The following ZNF556 variants were observed in gnomAD, a reference collection of about 807,000 sequenced individuals.
ZNF556 encodes zinc finger protein 556.
Under a neutral mutation model 13.6 loss-of-function variants are expected in ZNF556, and 11 were observed. The ratio of observed to expected loss-of-function variants is 0.81; its 90% CI spans 0.51 to 1.33. The LOEUF is 1.33. Among genes scored for constraint, ZNF556 ranks in the 40% most tolerant of loss-of-function variants. ZNF556 has a pLI of 0.00. For missense variants in ZNF556, 633 were observed against 566.2 expected (o/e 1.12, Z -1.20); for synonymous variants, 229 against 207.8 (o/e 1.10, Z -0.88).
At chr19:2,872,946 A>G (rs1309399520) in intron 1 of ZNF556, among the ~76,000 whole-genome samples, 1 of 152,116 alleles carries the variant, frequency 6.6e-6, no homozygotes, top group African/African-American at 2.4e-5. Flanking sequence ...CAGCCTGGCC[A>G]ACATGGTGAA....
At chr19:2,871,982 C>G (rs1230617260) in intron 1 of ZNF556, among the ~76,000 whole-genome samples, 1 of 152,078 alleles carries the variant, frequency 6.6e-6, no homozygotes, top group Non-Finnish European at 1.5e-5. Context: ...AGAGAGGAGA[C>G]AGAGAGTGAG....
Position 2,882,786 on chromosome 19 carries a change from C to G in ZNF556, c.*4457C>G, listed in dbSNP as rs2087915177. 6.6e-6 allele frequency: 1 copy of G among 152,286 alleles called. No homozygotes were observed. Among genetic ancestry groups the G allele is most frequent in the Non-Finnish European group, 1.5e-5 (1 of 68,146 alleles). 9.4% of individuals were successfully genotyped at this position (152,286 alleles called of 1,614,324 possible). A position where few individuals can be genotyped will look rare whatever the true frequency, so the allele number is the denominator to read the frequency against. On this transcript the variant is annotated 3_prime_UTR_variant, in exon 4 of 4. Transcript: ENST00000307635. ...GGCCAGGATGGTCTCGATCTCTTCA[C>G]CTCGTGATCTGCCCGCCTTGGCCTC...
rs759895054 is a variant in ZNF556, at chr19:2,867,718, ACAAAAC to A, written c.3+295_3+300del. Among the ~76,000 whole-genome samples the A allele has an allele frequency of 2.7e-4, 37 of 135,340 alleles. No homozygotes were observed. The South Asian group carries it at 4.2e-3, about 15-fold the overall frequency. 88.8% of individuals were successfully genotyped at this position (135,340 alleles called of 152,430 possible). A position where few individuals can be genotyped will look rare whatever the true frequency, so the allele number is the denominator to read the frequency against. ...GAAAAACTAACCCAAAGTACAAAAA[ACAAAAC>A]AAAAAAAAAAAAAACCTCACCCCAG... On this transcript the variant is annotated intron_variant, in intron 1 of 3. Transcript: ENST00000307635.
chr19:2,870,036 C>A (rs2087789430), intron 1 of ZNF556, among the ~76,000 whole-genome samples: 1 of 152,094 alleles, frequency 6.6e-6, no homozygotes, highest in Non-Finnish European at 1.5e-5. Context: ...GCTGTTTCTC[C>A]CACCCAGAAC....
intron 1 of ZNF556, among the ~76,000 whole-genome samples, chr19:2,869,591 C>G (rs1056860432): frequency 6.6e-6 from 1 of 152,118 alleles, no homozygotes; most frequent in Admixed American, 6.5e-5. Context: ...TGGTCTCAAT[C>G]TCCTGACCTC....
chr19:2,872,818 CAAAAAAA>C (rs770269518), intron 1 of ZNF556, among the ~76,000 whole-genome samples: 2 of 75,060 alleles, frequency 2.7e-5, no homozygotes, highest in Non-Finnish European at 5.8e-5. Flanking sequence ...GACTCCATCT[CAAAAAAA>C]AAAAAAAAAA....
rs1410660902 is a variant in ZNF556 at position 2,877,900 on chromosome 19, C to T, written c.942C>T (p.Pro314=). ...TGAGAATTCACAACGGGGAGAAACC[C>T]TATAAGTGTGGAAAATGCGGGAAAG... ...RHVRIHNGEK[P]YKCGKCGKAF... Residue 314 remains proline, a synonymous_variant, in exon 4 of 4, where the codon CCC becomes CCT. Coordinates refer to ENST00000307635, the MANE Select transcript of ZNF556 (RefSeq NM_024967.3). 1.2e-6 allele frequency: 2 copies of T among 1,614,144 alleles called. No individual in the cohort carries two copies. The highest frequency in any genetic ancestry group is 2.2e-5 in the South Asian group (2 of 91,088).
rs146600326 is a variant in ZNF556, at chr19:2,876,260, A to G, written c.298A>G (p.Lys100Glu). The G allele has an allele frequency of 5.8e-5, 93 of 1,593,772 alleles. No individual in the cohort carries two copies. In the African/African-American group the frequency reaches 1.2e-3, roughly 21 times the overall value. ...EHSVKDKHNT[K>E]ERHLSRNPRV... Reference sequence around the variant, plus strand: ...TAGCGTTAAAGACAAGCACAACACCAAGGAGAGACATTTGAGGTGAGTTGT... The same window carrying G: ...TAGCGTTAAAGACAAGCACAACACCGAGGAGAGACATTTGAGGTGAGTTGT... The change falls in exon 3 of 4, where the codon AAG (lysine) becomes GAG (glutamate). Residue 100 changes from lysine (K) to glutamate (E), a missense_variant. Physicochemically the swap from Lys to Glu is moderately conservative, Grantham distance 56 (BLOSUM62 1). Coordinates refer to ENST00000307635, the MANE Select transcript of ZNF556 (RefSeq NM_024967.3).
In ZNF556 at chr19:2,877,571, T is replaced by C. The variant is rs1336902386; in HGVS notation, c.613T>C (p.Cys205Arg). ...KTHSGEKPYACQSCGKTFLRS... is the reference protein window; with the variant it reads ...KTHSGEKPYARQSCGKTFLRS... Reference sequence around the variant, plus strand: ...TCACAGTGGAGAGAAACCCTATGCCTGTCAATCTTGCGGGAAGACATTTCT... The same window carrying C: ...TCACAGTGGAGAGAAACCCTATGCCCGTCAATCTTGCGGGAAGACATTTCT... The change falls in exon 4 of 4, where the codon TGT (cysteine) becomes CGT (arginine). Residue 205 changes from cysteine (C) to arginine (R), a missense_variant. Physicochemically the swap from Cys to Arg is radical, Grantham distance 180. Transcript: ENST00000307635. The C allele has an allele frequency of 1.2e-6, 2 of 1,614,068 alleles. No homozygotes were observed. Among genetic ancestry groups the C allele is most frequent in the South Asian group, 2.2e-5 (2 of 91,086 alleles).
chr19:2,877,999 C>G lies in ZNF556; in HGVS notation c.1041C>G (p.Ser347Arg). The change falls in exon 4 of 4, where the codon AGC becomes AGG. Residue 347 changes from serine to arginine, a missense_variant. Physicochemically the swap from Ser to Arg is moderately radical, Grantham distance 110. Transcript: ENST00000307635. ...AAAAGAAACCTGTGAGTGGGGGCAG[C>G]GTGGGAAAGTCTTCCGCGAGGCCTC... is the stretch of plus-strand genomic sequence containing the variant. ...HAKKKPVSGG[S>R]VGKSSARPRP... 6.2e-7 allele frequency: 1 copy of G among 1,613,920 alleles called. No individual in the cohort carries two copies. The highest frequency in any genetic ancestry group is 1.1e-5 in the South Asian group (1 of 91,066).
In ZNF556 at chr19:2,877,732, G is replaced by GT. The variant is rs1254307350; in HGVS notation, c.775dup (p.Tyr259LeufsTer2). 11 of 1,613,130 alleles carry GT rather than the reference G, an allele frequency of 6.8e-6. No homozygotes were observed. The highest frequency in any genetic ancestry group is 7.6e-6 in the Non-Finnish European group (9 of 1,179,654). ...TGATGATGCACGCCGGAGGGAGACC[G>GT]TATGAGTGCAAGCACTGTGGGAAAG... On this transcript the variant is annotated frameshift_variant, in exon 4 of 4. Transcript: ENST00000307635. LOFTEE classifies it low-confidence loss of function (END_TRUNC).
In ZNF556 at chr19:2,882,015, G is replaced by C. The variant is rs1412929888; in HGVS notation, c.*3686G>C. Reference sequence around the variant, plus strand: ...AGAGCCAGCTACTCAGGAGGCTGAGGGTGGAGGATGGCTTGAGACCAAGAG... The same window carrying C: ...AGAGCCAGCTACTCAGGAGGCTGAGCGTGGAGGATGGCTTGAGACCAAGAG... On this transcript the variant is annotated 3_prime_UTR_variant, in exon 4 of 4. Transcript: ENST00000307635. 1.3e-5 allele frequency: 2 copies of C among 152,160 alleles called. No individual in the cohort carries two copies. The highest frequency in any genetic ancestry group is 2.9e-5 in the Non-Finnish European group (2 of 68,048). 9.4% of individuals were successfully genotyped at this position (152,160 alleles called of 1,614,324 possible).
rs1031911796 is a variant in ZNF556, at chr19:2,881,634, A to C, written c.*3305A>C. ...TCAAGGCAGAATAAAGTATAGTATC[A>C]AACTTGACAAGGTAGATAATAGGGA... On this transcript the variant is annotated 3_prime_UTR_variant, in exon 4 of 4. Transcript: ENST00000307635. 1 of 152,122 alleles carries C rather than the reference A, an allele frequency of 6.6e-6. No homozygotes were observed. Among genetic ancestry groups the C allele is most frequent in the Non-Finnish European group, 1.5e-5 (1 of 68,024 alleles). The allele number at this position is 152,122 out of a possible 1,614,324, so 9.4% of individuals were successfully genotyped here. A position where few individuals can be genotyped will look rare whatever the true frequency, so the allele number is the denominator to read the frequency against.
At chr19:2,876,307 T>C in intron 3 of ZNF556, 31 bp downstream of exon 3, 1 of 1,540,910 alleles carries the variant, frequency 6.5e-7, no homozygotes, top group Admixed American at 2.2e-5. Flanking sequence ...AAAGGCAGTA[T>C]CGCCAGGCAC....
In ZNF556 at chr19:2,882,932, T is replaced by C. The variant is rs1319471932; in HGVS notation, c.*4603T>C. 6.6e-6 allele frequency: 1 copy of C among 152,162 alleles called. No individual in the cohort carries two copies. Among genetic ancestry groups the C allele is most frequent in the African/African-American group, 2.4e-5 (1 of 41,422 alleles). 9.4% of individuals were successfully genotyped at this position (152,162 alleles called of 1,614,324 possible). ...ATCTGGATTTGAACCACAATGTGGG[T>C]GTTTGTTTTTAATACCTTTGTGAAA... On this transcript the variant is annotated 3_prime_UTR_variant, in exon 4 of 4. Coordinates refer to ENST00000307635, the MANE Select transcript of ZNF556 (RefSeq NM_024967.3).
chr19:2,867,543 C>G, intron 1 of ZNF556, 119 bp downstream of exon 1: 1 of 1,417,714 alleles, frequency 7.1e-7, no homozygotes, highest in Non-Finnish European at 9.7e-7. Flanking sequence ...AGCCTCTGTC[C>G]CTGTGTCACC....
At chr19:2,870,156 C>T (rs986839947) in intron 1 of ZNF556, among the ~76,000 whole-genome samples, 6 of 152,312 alleles carry the variant, frequency 3.9e-5, no homozygotes, top group African/African-American at 1.4e-4. Context: ...GAACAGATGA[C>T]ATTTTACTAT....
rs560084705 is a variant in ZNF556, at chr19:2,877,703, C to T, written c.745C>T (p.His249Tyr). 1.7e-5 allele frequency: 27 copies of T among 1,614,150 alleles called. No individual in the cohort carries two copies. The South Asian group carries it at 2.7e-4, about 16-fold the overall frequency. Residue 249 changes from histidine to tyrosine, a missense_variant, in exon 4 of 4, where the codon CAT becomes TAT. His to Tyr is a moderately conservative substitution (Grantham distance 83). Coordinates refer to ENST00000307635, the MANE Select transcript of ZNF556 (RefSeq NM_024967.3). ...GFSCPKSFRA[H>Y]VMMHAGGRPY... is the part of the protein sequence containing the mutation. ...CAGTTGTCCCAAATCCTTTCGCGCA[C>T]ATGTGATGATGCACGCCGGAGGGAG... is the stretch of plus-strand genomic sequence containing the variant.
chr19:2,869,460 G>A (rs368366637), intron 1 of ZNF556, among the ~76,000 whole-genome samples: 4 of 152,124 alleles, frequency 2.6e-5, no homozygotes, highest in African/African-American at 2.4e-5. Context: ...TCCGCCTCCC[G>A]GGTTCATGCC....
Sources: allele counts gnomAD v4.1 joint callset (sites outside exome capture counted in the v4.1 genomes callset), GRCh38; gene constraint gnomAD v4.1.1; transcripts MANE v1.5; gene names NCBI Gene and HGNC (gene_info 2026-07-23, HGNC 2026-07-21).